CAMK2D: variants seen among roughly 807,000 people sequenced by gnomAD.
CAMK2D encodes calcium/calmodulin dependent protein kinase II delta, also known as calcium/calmodulin-dependent protein kinase type II subunit delta.
CAMK2D carries 37 observed loss-of-function variants against 84.0 expected under a neutral mutation model. That is an observed-to-expected ratio of 0.44 (90% CI 0.34 to 0.58). CAMK2D has a LOEUF of 0.58. Ranked by LOEUF, CAMK2D falls within the 20% of genes least tolerant of loss-of-function variation. The probability of loss-of-function intolerance (pLI) is 0.02; values close to 1 mark genes in which losing one functional copy is unlikely to be tolerated. For synonymous variants in CAMK2D, 202 were observed against 212.5 expected, an observed-to-expected ratio of 0.95 and a Z score of 0.43; for missense variants, 448 against 652.5, an observed-to-expected ratio of 0.69 and a Z score of 3.41.
At chr4:113,759,205 T>C (rs1440080293) in intron 2 of CAMK2D, 115 bp downstream of exon 2, 5 of 575,306 alleles carry the variant, frequency 8.7e-6, no homozygotes, top group Non-Finnish European at 1.5e-5. Flanking sequence ...ATATATAATA[T>C]GATACCTAAG....
At chr4:113,560,995 C>A (rs1445783806) in intron 4 of CAMK2D, among the ~76,000 whole-genome samples, 1 of 151,980 alleles carries the variant, frequency 6.6e-6, no homozygotes, top group African/African-American at 2.4e-5. Flanking sequence ...AAGGAGGACC[C>A]TACATAAATG....
At chr4:113,658,708 T>C (rs571420450) in intron 3 of CAMK2D, among the ~76,000 whole-genome samples, 1 of 152,288 alleles carries the variant, frequency 6.6e-6, no homozygotes, top group East Asian at 1.9e-4. Context: ...ATGTAACTTG[T>C]TGAGTGAGTA....
At chr4:113,693,351 G>A (rs980744883) in intron 2 of CAMK2D, among the ~76,000 whole-genome samples, 50 of 152,006 alleles carry the variant, frequency 3.3e-4, no homozygotes, top group African/African-American at 1.2e-3. Flanking sequence ...ATTCCAAAAT[G>A]CTAACAGATT....
intron 16 of CAMK2D, among the ~76,000 whole-genome samples, chr4:113,478,107 A>G (rs1385222079): frequency 1.3e-5 from 2 of 152,190 alleles, no homozygotes; most frequent in Non-Finnish European, 2.9e-5. Context: ...AGAATTTTAC[A>G]TTAAAAAAAA....
intron 2 of CAMK2D, among the ~76,000 whole-genome samples, chr4:113,723,684 T>C (rs1462326239): frequency 6.6e-6 from 1 of 152,186 alleles, no homozygotes; most frequent in Non-Finnish European, 1.5e-5. Flanking sequence ...TGTGTGTATA[T>C]GTATACATAT....
chr4:113,699,787 G>A (rs936905156), intron 2 of CAMK2D, among the ~76,000 whole-genome samples: 5 of 152,080 alleles, frequency 3.3e-5, no homozygotes, highest in Non-Finnish European at 7.4e-5. Flanking sequence ...ATATAAACAT[G>A]TCTTAACTTG....
intron 2 of CAMK2D, among the ~76,000 whole-genome samples, chr4:113,722,700 G>T (rs73844658): frequency 0.014 from 2,198 of 152,218 alleles, 51 homozygotes; most frequent in African/African-American, 0.05. Flanking sequence ...AAAACAAGAT[G>T]TACGGTCATG....
chr4:113,581,473 A>G (rs192813247), intron 4 of CAMK2D, among the ~76,000 whole-genome samples: 27 of 147,908 alleles, frequency 1.8e-4, no homozygotes, highest in East Asian at 1.2e-3. Context: ...AGATCTTCCC[A>G]TTGCACTCCA....
chr4:113,711,849 C>T (rs1470100446), intron 2 of CAMK2D, among the ~76,000 whole-genome samples: 2 of 152,078 alleles, frequency 1.3e-5, no homozygotes, highest in Admixed American at 6.6e-5. Context: ...TCTAATTGGT[C>T]TCTAATTTAT....
intron 2 of CAMK2D, among the ~76,000 whole-genome samples, chr4:113,752,888 C>G (rs1196944431): frequency 6.6e-6 from 1 of 151,948 alleles, no homozygotes; most frequent in Middle Eastern, 3.2e-3. Context: ...TGTATTTTCC[C>G]AAAGAAATAC....
At chr4:113,470,675 C>T (rs2097536978) in intron 16 of CAMK2D, among the ~76,000 whole-genome samples, 1 of 151,774 alleles carries the variant, frequency 6.6e-6, no homozygotes, top group African/African-American at 2.4e-5. Flanking sequence ...CCCTGAGCCT[C>T]ATGTTAGGTC....
chr4:113,740,221 A>T (rs2099589619), intron 2 of CAMK2D, among the ~76,000 whole-genome samples: 1 of 152,162 alleles, frequency 6.6e-6, no homozygotes, highest in Non-Finnish European at 1.5e-5. Context: ...TCATAGCAGC[A>T]TTACTCAGAA....
At position 113,761,400 on chromosome 4, in the gene CAMK2D, C is replaced by G; in HGVS notation, c.-332G>C. 8.1e-7 allele frequency: 1 copy of G among 1,231,430 alleles called. No individual in the cohort carries two copies. The highest frequency in any genetic ancestry group is 3.7e-5 in the Admixed American group (1 of 27,070). 76.3% of individuals were successfully genotyped at this position (1,231,430 alleles called of 1,614,324 possible). On this transcript the variant is annotated 5_prime_UTR_variant, in exon 1 of 21. Coordinates refer to ENST00000511664, the MANE Select transcript of CAMK2D (RefSeq NM_001321571.2). The stretch of plus-strand genomic sequence containing the variant: ...GGTAAAGTACTCAAGAAGAGGGGGC[C>G]GGGAAATGGAAAAACAGCCAGGCAC...
intron 2 of CAMK2D, among the ~76,000 whole-genome samples, chr4:113,723,704 G>A (rs533503441): frequency 1.0e-3 from 155 of 152,176 alleles, no homozygotes; most frequent in African/African-American, 3.7e-3. Flanking sequence ...TATATAAAAT[G>A]AGCAAAATTA....
At chr4:113,708,081 A>AT (rs1275072746) in intron 2 of CAMK2D, among the ~76,000 whole-genome samples, 2 of 152,152 alleles carry the variant, frequency 1.3e-5, no homozygotes, top group East Asian at 3.9e-4. Flanking sequence ...TATACCAACC[A>AT]TAAAAAAAAA....
intron 4 of CAMK2D, among the ~76,000 whole-genome samples, chr4:113,567,599 T>C (rs780678625): frequency 2.0e-5 from 3 of 152,224 alleles, no homozygotes; most frequent in Non-Finnish European, 4.4e-5. Flanking sequence ...ATTTTTCAGG[T>C]ATCTCAAAGC....
intron 2 of CAMK2D, among the ~76,000 whole-genome samples, chr4:113,687,956 A>G (rs2099364785): frequency 6.6e-6 from 1 of 152,156 alleles, no homozygotes. Flanking sequence ...ACAGAATAAT[A>G]CTTATATTTG....
chr4:113,730,071 C>T (rs2099560267), intron 2 of CAMK2D, among the ~76,000 whole-genome samples: 1 of 152,182 alleles, frequency 6.6e-6, no homozygotes. Context: ...TGTTCCACCA[C>T]TAGATTATAA....
At chr4:113,699,688 T>C (rs2099412517) in intron 2 of CAMK2D, among the ~76,000 whole-genome samples, 1 of 152,180 alleles carries the variant, frequency 6.6e-6, no homozygotes, top group Non-Finnish European at 1.5e-5. Context: ...ATATAGTATA[T>C]ACATAGTACA....
Sources: gnomAD v4.1 joint callset for allele counts (sites outside exome capture counted in the v4.1 genomes callset) on GRCh38, gnomAD v4.1.1 for gene constraint, MANE v1.5 for transcripts, NCBI Gene and HGNC (gene_info 2026-07-23, HGNC 2026-07-21) for gene names.